Variants in APBA2 observed in about 807,000 individuals in gnomAD.
APBA2 encodes the protein amyloid-beta A4 precursor protein-binding family A member 2.
A neutral mutation model predicts 75.0 loss-of-function variants in APBA2; 30 were observed. That is an observed-to-expected ratio of 0.40 (90% confidence interval 0.30 to 0.54). The LOEUF is 0.54. Ranked by LOEUF, APBA2 falls within the 20% of genes least tolerant of loss-of-function variation. The probability of loss-of-function intolerance (pLI) is 0.49; values close to 1 mark genes in which losing one functional copy is unlikely to be tolerated. For missense variants in APBA2, 801 were observed against 1,016.1 expected (o/e 0.79, Z 2.88); for synonymous variants, 444 against 409.6 (o/e 1.08, Z -1.01).
intron 2 of APBA2, among the ~76,000 whole-genome samples, chr15:28,976,217 C>CT (rs2037329166): frequency 6.6e-6 from 1 of 152,212 alleles, no homozygotes; most frequent in Non-Finnish European, 1.5e-5. Flanking sequence ...AGCAACCTTG[C>CT]TTAACAGTCT....
rs557284972 is a variant in APBA2 at position 29,117,244 on chromosome 15, C to T, written c.*111C>T. ...CCCGACGCCACAGCCCAGCCACGGA[C>T]GCTGGCTCCCCAAAGGGTGTGCCCT... On this transcript the variant is annotated 3_prime_UTR_variant, in exon 15 of 15. Transcript: ENST00000683413. The T allele has an allele frequency of 2.3e-4, 229 of 1,007,770 alleles. No individual in the cohort carries two copies. The highest frequency in any genetic ancestry group is 3.0e-4 in the Non-Finnish European group (194 of 645,244). 62.4% of individuals were successfully genotyped at this position (1,007,770 alleles called of 1,614,324 possible).
chr15:28,939,656 T>C (rs1445888253), intron 2 of APBA2, among the ~76,000 whole-genome samples: 1 of 152,232 alleles, frequency 6.6e-6, no homozygotes, highest in African/African-American at 2.4e-5. Flanking sequence ...CAGAGGAATG[T>C]AGTGTGATCT....
chr15:28,905,294 G>A (rs979629987), intron 1 of APBA2, among the ~76,000 whole-genome samples: 1 of 152,224 alleles, frequency 6.6e-6, no homozygotes, highest in African/African-American at 2.4e-5. Context: ...TCTGGCTGAA[G>A]AAGTTAAAAT....
intron 3 of APBA2, among the ~76,000 whole-genome samples, chr15:29,042,973 C>G (rs1482820424): frequency 1.3e-5 from 2 of 152,158 alleles, no homozygotes; most frequent in Admixed American, 1.3e-4. Flanking sequence ...CCCCTAAAGG[C>G]ATCCAGGAGC....
intron 6 of APBA2, among the ~76,000 whole-genome samples, chr15:29,077,354 TG>T (rs1376626124): frequency 6.6e-6 from 1 of 152,112 alleles, no homozygotes; most frequent in African/African-American, 2.4e-5. Context: ...GAAGCCAGGG[TG>T]GGGTTGCCAG....
intron 4 of APBA2, among the ~76,000 whole-genome samples, chr15:29,060,514 T>C (rs1459468719): frequency 2.0e-5 from 3 of 152,194 alleles, no homozygotes; most frequent in Admixed American, 2.0e-4. Context: ...CTGTGCAGTG[T>C]TCCTCCTGGA....
intron 6 of APBA2, among the ~76,000 whole-genome samples, chr15:29,086,345 G>A (rs1040341663): frequency 3.3e-5 from 5 of 152,194 alleles, no homozygotes; most frequent in South Asian, 2.1e-4. Flanking sequence ...CCAGATTCCC[G>A]ATCCACAGAA....
chr15:29,043,192 T>C (rs567993057), intron 3 of APBA2, among the ~76,000 whole-genome samples: 2 of 152,182 alleles, frequency 1.3e-5, no homozygotes, highest in Non-Finnish European at 2.9e-5. Flanking sequence ...GAAAATGCCA[T>C]TTCCTGGAGA....
chr15:29,113,774 A>T, intron 13 of APBA2, 102 bp from the exon 14 acceptor site: 4 of 1,476,374 alleles, frequency 2.7e-6, no homozygotes, highest in Non-Finnish European at 3.7e-6. Flanking sequence ...CGTATTCATC[A>T]TGTGGCGCTT....
intron 3 of APBA2, among the ~76,000 whole-genome samples, chr15:29,000,271 T>C (rs1387801906): frequency 6.6e-6 from 1 of 152,166 alleles, no homozygotes; most frequent in East Asian, 1.9e-4. Context: ...ACAGAAGATA[T>C]CAGAGTTTGT....
At chr15:29,003,518 C>T (rs930792777) in intron 3 of APBA2, among the ~76,000 whole-genome samples, 15 of 152,134 alleles carry the variant, frequency 9.9e-5, no homozygotes, top group Admixed American at 3.3e-4. Context: ...CATCAACCTG[C>T]GGAGTCTCTA....
intron 10 of APBA2, 42 bp downstream of exon 10, chr15:29,101,826 C>T (rs1235765069): frequency 1.9e-6 from 3 of 1,593,668 alleles, no homozygotes; most frequent in South Asian, 2.3e-5. Flanking sequence ...CCAAAGTTCA[C>T]AGCCCAGGGC....
chr15:28,898,445 C>T (rs1389184910), intron 1 of APBA2, among the ~76,000 whole-genome samples: 1 of 152,148 alleles, frequency 6.6e-6, no homozygotes, highest in Non-Finnish European at 1.5e-5. Flanking sequence ...GTGGATGGGG[C>T]TTGCCACGTA....
intron 11 of APBA2, 37 bp from the exon 12 acceptor site, chr15:29,106,570 G>C (rs771773687): frequency 1.2e-6 from 2 of 1,611,086 alleles, no homozygotes; most frequent in Non-Finnish European, 1.7e-6. Context: ...CTCGGTCCTT[G>C]CCGCCAGCCC....
chr15:29,114,050 C>T lies in APBA2; in HGVS notation c.2178+34C>T, dbSNP rs143517394. The T allele has an allele frequency of 1.7e-4, 281 of 1,613,248 alleles. 1 individual carries two copies. The highest frequency in any genetic ancestry group is 8.9e-4 in the South Asian group (81 of 91,078). ...GGACTTTGAGTGTGCCTCTGCATGCCGGTTCCCACGTGCTCCCGCCTGCCC... is the reference window on the plus strand; with the variant it reads ...GGACTTTGAGTGTGCCTCTGCATGCTGGTTCCCACGTGCTCCCGCCTGCCC... On this transcript the variant is annotated intron_variant, in intron 14 of 14. Coordinates refer to ENST00000683413, the MANE Select transcript of APBA2 (RefSeq NM_001353788.2).
intron 2 of APBA2, among the ~76,000 whole-genome samples, chr15:28,950,983 C>A (rs1346619894): frequency 1.3e-5 from 2 of 152,112 alleles, no homozygotes; most frequent in Non-Finnish European, 2.9e-5. Context: ...AGATCCCTAC[C>A]TTTTTGTTTT....
chr15:29,000,342 C>T (rs181316026), intron 3 of APBA2, among the ~76,000 whole-genome samples: 7 of 152,268 alleles, frequency 4.6e-5, no homozygotes, highest in East Asian at 3.9e-4. Flanking sequence ...GGACTGACAG[C>T]GATGGTTAAG....
At chr15:28,948,946 C>T (rs1465344674) in intron 2 of APBA2, among the ~76,000 whole-genome samples, 3 of 122,920 alleles carry the variant, frequency 2.4e-5, no homozygotes, top group Non-Finnish European at 5.1e-5. Flanking sequence ...AGTTGTAAAG[C>T]GGGGGGTGGG....
intron 1 of APBA2, among the ~76,000 whole-genome samples, chr15:28,893,043 C>A (rs1280653057): frequency 3.3e-5 from 5 of 152,186 alleles, no homozygotes; most frequent in Non-Finnish European, 7.3e-5. Context: ...CTGGATTATC[C>A]GGAGCTGGTG....
Sources: gnomAD v4.1 joint callset for allele counts (sites outside exome capture counted in the v4.1 genomes callset) on GRCh38, gnomAD v4.1.1 for gene constraint, MANE v1.5 for transcripts, NCBI Gene and HGNC (gene_info 2026-07-23, HGNC 2026-07-21) for gene names.